Variants in BNC2 observed in about 807,000 individuals in gnomAD.
BNC2 encodes zinc finger protein basonuclin-2.
BNC2 carries 20 observed loss-of-function variants against 76.3 expected under a neutral mutation model. That is an observed-to-expected ratio of 0.26 (90% confidence interval 0.18 to 0.38). The LOEUF (loss-of-function observed/expected upper bound fraction) is 0.38, where lower values mean the gene tolerates loss of function less well. BNC2 is among the 10% of genes least tolerant of loss of function. The pLI, the probability that BNC2 is intolerant of heterozygous loss-of-function variation, is 1.00. For synonymous variants in BNC2, 582 were observed against 514.8 expected, an observed-to-expected ratio of 1.13 and a Z score of -1.77; for missense variants, 1,382 against 1,399.8, an observed-to-expected ratio of 0.99 and a Z score of 0.20.
At chr9:16,698,416 C>T (rs933936473) in intron 3 of BNC2, among the ~76,000 whole-genome samples, 3 of 152,206 alleles carry the variant, frequency 2.0e-5, no homozygotes, top group East Asian at 1.9e-4. Context: ...GAGGGCCGGG[C>T]GCGGTGGCTC....
Position 16,863,970 on chromosome 9 carries a change from T to C in BNC2, c.3+6676A>G, listed in dbSNP as rs182901811. Reference sequence around the variant, plus strand: ...TGGGTAAAGAGGGACAAATGTATTATAATGTACCATTTTCTATTCAAGTGT... The same window carrying C: ...TGGGTAAAGAGGGACAAATGTATTACAATGTACCATTTTCTATTCAAGTGT... On this transcript the variant is annotated intron_variant, in intron 1 of 6. Coordinates refer to ENST00000380672, the MANE Select transcript of BNC2 (RefSeq NM_017637.6). Among the ~76,000 whole-genome samples the C allele has an allele frequency of 8.8e-4, 134 of 152,320 alleles. 1 individual carries two copies. The highest frequency in any genetic ancestry group is 1.5e-3 in the Non-Finnish European group (99 of 68,020).
At chr9:16,479,229 G>A (rs1332882101) in intron 5 of BNC2, among the ~76,000 whole-genome samples, 36 of 139,778 alleles carry the variant, frequency 2.6e-4, no homozygotes, top group African/African-American at 5.2e-4. Flanking sequence ...CAGCCTGGGC[G>A]ACAGAACGAG....
chr9:16,516,948 C>T (rs542806883), intron 5 of BNC2, among the ~76,000 whole-genome samples: 1 of 152,322 alleles, frequency 6.6e-6, no homozygotes, highest in African/African-American at 2.4e-5. Flanking sequence ...GTCAGTTGCA[C>T]TGTGACACAA....
intron 3 of BNC2, chr9:16,685,439 C>T (rs1196845729): frequency 8.5e-6 from 5 of 589,912 alleles, no homozygotes; most frequent in African/African-American, 3.8e-5. Context: ...TTACACCTAA[C>T]TCAATGGTTG....
At chr9:16,851,255 C>A (rs1819120152) in intron 1 of BNC2, among the ~76,000 whole-genome samples, 1 of 152,084 alleles carries the variant, frequency 6.6e-6, no homozygotes, top group African/African-American at 2.4e-5. Context: ...TGCCTATAAT[C>A]CCAGCACTTT....
At chr9:16,772,055 G>A (rs1200291663) in intron 1 of BNC2, among the ~76,000 whole-genome samples, 3 of 152,160 alleles carry the variant, frequency 2.0e-5, no homozygotes, top group Admixed American at 2.0e-4. Flanking sequence ...TAAAACAAAT[G>A]ATAGTATTCA....
intron 3 of BNC2, among the ~76,000 whole-genome samples, chr9:16,590,240 T>A: frequency 6.6e-6 from 1 of 152,168 alleles, no homozygotes; most frequent in South Asian, 2.1e-4. Flanking sequence ...TTGCCCAGGC[T>A]AGAGTGCAAT....
chr9:16,723,473 T>C (rs1338014236), intron 3 of BNC2, among the ~76,000 whole-genome samples: 1 of 146,200 alleles, frequency 6.8e-6, no homozygotes, highest in Non-Finnish European at 1.5e-5. Context: ...GCCTTTTAAA[T>C]GACTAGTGAA....
chr9:16,675,715 A>G (rs193208734), intron 3 of BNC2, among the ~76,000 whole-genome samples: 1 of 152,356 alleles, frequency 6.6e-6, no homozygotes, highest in African/African-American at 2.4e-5. Flanking sequence ...TTAAGTCTTA[A>G]AAGTTCTCTA....
intron 1 of BNC2, among the ~76,000 whole-genome samples, chr9:16,838,390 A>G (rs1818754109): frequency 6.6e-6 from 1 of 152,100 alleles, no homozygotes; most frequent in Non-Finnish European, 1.5e-5. Flanking sequence ...CCCCATCTCT[A>G]CTAAAAAGAA....
At chr9:16,754,686 T>C (rs1179919510) in intron 1 of BNC2, among the ~76,000 whole-genome samples, 1 of 152,002 alleles carries the variant, frequency 6.6e-6, no homozygotes. Context: ...GCCTCCTGAG[T>C]AGCTGGGATT....
chr9:16,511,883 T>C (rs984481269), intron 5 of BNC2, among the ~76,000 whole-genome samples: 1 of 152,212 alleles, frequency 6.6e-6, no homozygotes, highest in Non-Finnish European at 1.5e-5. Flanking sequence ...TGTGTACTTG[T>C]GTGTCTGTGC....
At chr9:16,489,595 G>A (rs957289716) in intron 5 of BNC2, among the ~76,000 whole-genome samples, 2 of 152,142 alleles carry the variant, frequency 1.3e-5, no homozygotes, top group African/African-American at 2.4e-5. Flanking sequence ...CACATGTGGT[G>A]ATATGTGATT....
chr9:16,854,405 TAC>T (rs2136173327), intron 1 of BNC2, among the ~76,000 whole-genome samples: 1 of 152,326 alleles, frequency 6.6e-6, no homozygotes, highest in South Asian at 2.1e-4. Flanking sequence ...AGAGATTAAA[TAC>T]ACATACTCCC....
At chr9:16,559,650 A>G (rs2132655085) in intron 4 of BNC2, among the ~76,000 whole-genome samples, 1 of 152,304 alleles carries the variant, frequency 6.6e-6, no homozygotes, top group Middle Eastern at 3.4e-3. Flanking sequence ...CTGCTGAAGC[A>G]AGCATTTCAA....
At chr9:16,513,299 C>CTTT (rs1202222924) in intron 5 of BNC2, among the ~76,000 whole-genome samples, 151 of 85,546 alleles carry the variant, frequency 1.8e-3, no homozygotes, top group Non-Finnish European at 2.6e-3. Context: ...AGAAAAGGTT[C>CTTT]TTTTTTTTTT....
chr9:16,580,006 T>C, intron 4 of BNC2: 2 of 398,006 alleles, frequency 5.0e-6, no homozygotes, highest in Non-Finnish European at 8.9e-6. Context: ...TTCCATGCAT[T>C]TCAGAGGAAA....
intron 5 of BNC2, among the ~76,000 whole-genome samples, chr9:16,482,066 T>C (rs1429505429): frequency 1.3e-5 from 2 of 152,212 alleles, no homozygotes; most frequent in Admixed American, 6.5e-5. Flanking sequence ...ATGTGGCACA[T>C]GCTAAATACT....
intron 3 of BNC2, among the ~76,000 whole-genome samples, chr9:16,715,041 T>C (rs1823957897): frequency 6.6e-6 from 1 of 152,188 alleles, no homozygotes; most frequent in Non-Finnish European, 1.5e-5. Flanking sequence ...TGTGACATCA[T>C]AATCAATTGC....
Sources: gnomAD v4.1 joint callset for allele counts (sites outside exome capture counted in the v4.1 genomes callset) on GRCh38, gnomAD v4.1.1 for gene constraint, MANE v1.5 for transcripts, NCBI Gene and HGNC (gene_info 2026-07-23, HGNC 2026-07-21) for gene names.